ARAP2: variants seen among roughly 807,000 people sequenced by gnomAD.
The protein encoded by ARAP2 is arf-GAP with Rho-GAP domain, ANK repeat and PH domain-containing protein 2.
ARAP2 carries 148 observed loss-of-function variants against 194.5 expected under a neutral mutation model. The observed-to-expected ratio is 0.76, with a 90% CI of 0.67 to 0.87. ARAP2 has a LOEUF of 0.87. Ranked by LOEUF, ARAP2 falls within the 40% of genes least tolerant of loss-of-function variation. ARAP2 has a pLI of 0.00. For synonymous variants in ARAP2, 695 were observed against 683.5 expected (o/e 1.02, Z -0.26); for missense variants, 2,128 against 1,989.7 (o/e 1.07, Z -1.32).
chr4:36,200,331 C>T (rs1176607298), intron 6 of ARAP2, among the ~76,000 whole-genome samples: 1 of 151,894 alleles, frequency 6.6e-6, no homozygotes, highest in African/African-American at 2.4e-5. Context: ...TCTCAGCTGA[C>T]CACAACCTCC....
intron 9 of ARAP2, among the ~76,000 whole-genome samples, chr4:36,176,832 A>T (rs564910486): frequency 6.8e-4 from 103 of 152,196 alleles, no homozygotes; most frequent in African/African-American, 2.4e-3. Context: ...CCTATAGTTA[A>T]TTGTTCTGAA....
At chr4:36,154,283 T>C (rs1731718601) in intron 15 of ARAP2, among the ~76,000 whole-genome samples, 2 of 152,314 alleles carry the variant, frequency 1.3e-5, no homozygotes, top group South Asian at 2.1e-4. Context: ...GATACATTAG[T>C]AATCCTTTTC....
intron 28 of ARAP2, among the ~76,000 whole-genome samples, chr4:36,090,944 C>T (rs993102160): frequency 9.9e-5 from 15 of 152,020 alleles, no homozygotes; most frequent in Non-Finnish European, 1.3e-4. Context: ...ATGCTGTTAA[C>T]CTGTCGCAGT....
intron 5 of ARAP2, among the ~76,000 whole-genome samples, chr4:36,043,204 T>A (rs2109231002): frequency 6.6e-6 from 1 of 152,308 alleles, no homozygotes; most frequent in East Asian, 1.9e-4. Flanking sequence ...GGCTTTACAG[T>A]CTAATCATAC....
chr4:36,188,328 G>T (rs577477289), intron 7 of ARAP2, among the ~76,000 whole-genome samples: 2 of 152,012 alleles, frequency 1.3e-5, no homozygotes, highest in Non-Finnish European at 2.9e-5. Context: ...TACTTTCAAG[G>T]AGCCTCAAAA....
In ARAP2 at chr4:36,107,364, C is replaced by T. The variant is rs137879928; in HGVS notation, c.4285+201G>A. Among the ~76,000 whole-genome samples, 140 of 152,104 alleles carry T rather than the reference C, an allele frequency of 9.2e-4. 1 individual carries two copies. The East Asian group carries it at 0.02, about 21-fold the overall frequency. Reference sequence around the variant, plus strand: ...CCTGAACTTGGTACAATCAAATTAGCCAACTATTACCACAGAGCAACACAT... The same window carrying T: ...CCTGAACTTGGTACAATCAAATTAGTCAACTATTACCACAGAGCAACACAT... On this transcript the variant is annotated intron_variant, in intron 27 of 32. Transcript: ENST00000303965.
chr4:36,053,404 G>C (rs1254083474), intron 2 of ARAP2, among the ~76,000 whole-genome samples: 2 of 151,982 alleles, frequency 1.3e-5, no homozygotes, highest in Non-Finnish European at 2.9e-5. Context: ...ATGCACCTGT[G>C]TAGCCTAAAC....
intron 6 of ARAP2, among the ~76,000 whole-genome samples, chr4:36,196,145 T>C (rs1743055789): frequency 6.6e-6 from 1 of 152,210 alleles, no homozygotes; most frequent in South Asian, 2.1e-4. Context: ...AAACATCAAG[T>C]ATAAAAGGTT....
chr4:36,122,998 A>C (rs1006453382), intron 22 of ARAP2, among the ~76,000 whole-genome samples: 10 of 151,810 alleles, frequency 6.6e-5, no homozygotes, highest in African/African-American at 2.4e-4. Flanking sequence ...TAATGTAGAG[A>C]ATTCATAATA....
chr4:36,105,558 C>T (rs1204379310), intron 27 of ARAP2, among the ~76,000 whole-genome samples: 1 of 151,928 alleles, frequency 6.6e-6, no homozygotes, highest in Non-Finnish European at 1.5e-5. Flanking sequence ...CACGAAAACA[C>T]CAAATCTTCC....
At chr4:36,118,378 G>A (rs1721904257) in intron 24 of ARAP2, among the ~76,000 whole-genome samples, 1 of 150,142 alleles carries the variant, frequency 6.7e-6, no homozygotes, top group African/African-American at 2.4e-5. Flanking sequence ...TCAAACAGGG[G>A]TAAGACAAAG....
intron 2 of ARAP2, among the ~76,000 whole-genome samples, chr4:36,218,486 C>T (rs1748476467): frequency 6.6e-6 from 1 of 151,780 alleles, no homozygotes; most frequent in Non-Finnish European, 1.5e-5. Context: ...AAGACATCAA[C>T]CTATAGCAAT....
At position 36,031,616 on chromosome 4, in the gene ARAP2, C is replaced by T. The variant is rs1031338704; in HGVS notation, n.608-12330G>A. Reference sequence around the variant, plus strand: ...GGTAAATAGAAAGGAATCAGACATACGTGAAAGAAAAATGTTTCTTTAGTT... The same window carrying T: ...GGTAAATAGAAAGGAATCAGACATATGTGAAAGAAAAATGTTTCTTTAGTT... On this transcript the variant is annotated intron_variant and non_coding_transcript_variant, in intron 5 of 12. Transcript: ENST00000503225. 2.0e-5 allele frequency among the ~76,000 whole-genome samples: 3 copies of T among 151,628 alleles called. No homozygotes were observed. In the East Asian group the frequency reaches 5.8e-4, roughly 29 times the overall value.
At chr4:36,053,142 G>A (rs539624116) in intron 2 of ARAP2, among the ~76,000 whole-genome samples, 63 of 151,684 alleles carry the variant, frequency 4.2e-4, no homozygotes, top group Non-Finnish European at 6.6e-4. Flanking sequence ...GAGTAGCTGG[G>A]GTTACAGGCG....
intron 5 of ARAP2, among the ~76,000 whole-genome samples, chr4:36,027,154 T>G (rs971130251): frequency 1.3e-5 from 2 of 152,178 alleles, no homozygotes; most frequent in African/African-American, 4.8e-5. Context: ...ATTTGCTAGG[T>G]GCTTTTCTCT....
rs1203224173 is a variant in ARAP2 at position 36,147,760 on chromosome 4, T to C, written c.3001-14A>G. On this transcript the variant is annotated splice_polypyrimidine_tract_variant and intron_variant, in intron 17 of 32. Coordinates refer to ENST00000303965, the MANE Select transcript of ARAP2 (RefSeq NM_015230.4). ...GGGAACAAAATGCTGTTAAAACAAATACAAAAAAGTAATAAAGACAGTGAA... is the reference window on the plus strand; with the variant it reads ...GGGAACAAAATGCTGTTAAAACAAACACAAAAAAGTAATAAAGACAGTGAA... 6.3e-7 allele frequency: 1 copy of C among 1,580,952 alleles called. No homozygotes were observed. Among genetic ancestry groups the C allele is most frequent in the Non-Finnish European group, 8.6e-7 (1 of 1,164,494 alleles).
At chr4:36,081,293 G>T (rs1395753389) in intron 30 of ARAP2, among the ~76,000 whole-genome samples, 12 of 152,130 alleles carry the variant, frequency 7.9e-5, no homozygotes, top group Non-Finnish European at 1.3e-4. Context: ...TGATTTCAAA[G>T]AACATTGACA....
At chr4:36,006,562 G>C (rs974589992) in intron 10 of ARAP2, 5 of 152,004 alleles carry the variant, frequency 3.3e-5, no homozygotes, top group African/African-American at 1.2e-4. Flanking sequence ...ACAATAGACT[G>C]TTCTTTGTGA....
In ARAP2 at chr4:36,199,294, A is replaced by T. The variant is rs991702232; in HGVS notation, c.1488-5647T>A. Among the ~76,000 whole-genome samples, 6 of 152,306 alleles carry T rather than the reference A, an allele frequency of 3.9e-5. No individual in the cohort carries two copies. In the South Asian group the frequency reaches 8.3e-4, roughly 21 times the overall value. The stretch of plus-strand genomic sequence containing the variant: ...TAATTTCAAAATACATTTTAGAATT[A>T]AAAAAAATTTTTTTTGAGGTGGAGT... On this transcript the variant is annotated intron_variant, in intron 6 of 32. Coordinates refer to ENST00000303965, the MANE Select transcript of ARAP2 (RefSeq NM_015230.4).
Sources: gnomAD v4.1 joint callset for allele counts (sites outside exome capture counted in the v4.1 genomes callset) on GRCh38, gnomAD v4.1.1 for gene constraint, MANE v1.5 for transcripts, NCBI Gene and HGNC (gene_info 2026-07-23, HGNC 2026-07-21) for gene names.